Variants in WDR26 observed in about 807,000 individuals in gnomAD.
WDR26 encodes WD repeat-containing protein 26.
A neutral mutation model predicts 84.1 loss-of-function variants in WDR26; 5 were observed. The ratio of observed to expected loss-of-function variants is 0.06; its 90% CI spans 0.03 to 0.13. The LOEUF (loss-of-function observed/expected upper bound fraction) is 0.13. Ranked by LOEUF, WDR26 falls within the 10% of genes least tolerant of loss-of-function variation. The probability of loss-of-function intolerance (pLI) is 1.00; values close to 1 mark genes in which losing one functional copy is unlikely to be tolerated. For missense variants in WDR26, 642 were observed against 974.9 expected, an observed-to-expected ratio of 0.66 and a Z score of 4.55; for synonymous variants, 415 against 389.6, an observed-to-expected ratio of 1.07 and a Z score of -0.77.
chr1:224,434,180 G>A lies in WDR26; in HGVS notation c.226C>T (p.Pro76Ser). 7.0e-7 allele frequency: 1 copy of A among 1,422,122 alleles called. No homozygotes were observed. Among genetic ancestry groups the A allele is most frequent in the South Asian group, 1.5e-5 (1 of 64,800 alleles). 88.1% of individuals were successfully genotyped at this position (1,422,122 alleles called of 1,614,324 possible). ...GCGGCGGCGGGAGGGGCAGCAGCCG[G>A]GGGAAGTCCCACCACTACCACCACG... The change falls in exon 1 of 14, where the codon CCG (proline) becomes TCG (serine). Residue 76 changes from proline to serine, a missense_variant. By Grantham distance (74) the Pro-to-Ser change is moderately conservative. Transcript: ENST00000414423.
At chr1:224,429,592 T>C (rs1237819474) in intron 3 of WDR26, 5 of 152,218 alleles carry the variant, frequency 3.3e-5, no homozygotes, top group Non-Finnish European at 1.5e-5. Flanking sequence ...TTAAAAGCAA[T>C]TGATTCATCA....
chr1:224,434,114 C>G lies in WDR26; in HGVS notation c.292G>C (p.Gly98Arg). The change falls in exon 1 of 14, where the codon GGC becomes CGC. Residue 98 changes from glycine to arginine, a missense_variant. Transcript: ENST00000414423. ...GCCCCATTGGCCTGCATGATGCTGCCGCTGACCAGGCTGTGGCCGCTACTT... is the reference window on the plus strand; with the variant it reads ...GCCCCATTGGCCTGCATGATGCTGCGGCTGACCAGGCTGTGGCCGCTACTT... 2 of 1,429,944 alleles carry G rather than the reference C, an allele frequency of 1.4e-6. No homozygotes were observed. Among genetic ancestry groups the G allele is most frequent in the African/African-American group, 1.4e-5 (1 of 69,430 alleles). The allele number at this position is 1,429,944 out of a possible 1,614,324, so 88.6% of individuals were successfully genotyped here. A position where few individuals can be genotyped will look rare whatever the true frequency, so the allele number is the denominator to read the frequency against.
At chr1:224,415,353 G>A (rs1261023906) in intron 6 of WDR26, among the ~76,000 whole-genome samples, 1 of 151,652 alleles carries the variant, frequency 6.6e-6, no homozygotes, top group Non-Finnish European at 1.5e-5. Flanking sequence ...AGGCTCAGGA[G>A]ATAAATTCTG....
chr1:224,407,843 A>C (rs1218509032), intron 7 of WDR26, among the ~76,000 whole-genome samples: 1 of 152,048 alleles, frequency 6.6e-6, no homozygotes, highest in Admixed American at 6.6e-5. Context: ...ATTTTTTCAG[A>C]CAGTATTTGA....
At chr1:224,412,849 T>C (rs1176713455) in intron 6 of WDR26, 1 of 152,322 alleles carries the variant, frequency 6.6e-6, no homozygotes, top group Non-Finnish European at 1.5e-5. Flanking sequence ...GGCTACTGTT[T>C]AGACAGAACA....
intron 4 of WDR26, among the ~76,000 whole-genome samples, chr1:224,423,617 A>G (rs1269998034): frequency 6.6e-6 from 1 of 152,186 alleles, no homozygotes; most frequent in African/African-American, 2.4e-5. Flanking sequence ...ATGTGGTGGT[A>G]CATGCCTGAA....
At chr1:224,404,663 G>A in intron 7 of WDR26, 93 bp from the exon 8 acceptor site, 2 of 1,447,296 alleles carry the variant, frequency 1.4e-6, no homozygotes, top group East Asian at 2.3e-5. Flanking sequence ...GATGTACTTT[G>A]ATAATTTAAT....
chr1:224,400,953 C>A lies in WDR26; in HGVS notation c.1716G>T (p.Gln572His). 6.2e-7 allele frequency: 1 copy of A among 1,613,612 alleles called. No homozygotes were observed. The highest frequency in any genetic ancestry group is 2.2e-5 in the East Asian group (1 of 44,880). The change falls in exon 9 of 14, where the codon CAG (glutamine) becomes CAT (histidine). Residue 572 changes from glutamine to histidine, a missense_variant. Physicochemically the swap from Gln to His is conservative, Grantham distance 24. Around this residue, in one of 2 missense-constraint regions of WDR26, gnomAD observed 351 missense variants for 672.8 expected, o/e 0.52. Transcript: ENST00000414423. ...GAAGGGGGCACTGAATACTTACACA[C>A]TGATAGAACTGCCCACGCTGACCTC...
chr1:224,426,434 T>C (rs1326628394), intron 3 of WDR26, among the ~76,000 whole-genome samples: 1 of 152,048 alleles, frequency 6.6e-6, no homozygotes, highest in East Asian at 1.9e-4. Context: ...AATATACGGC[T>C]AAGGAACAGA....
chr1:224,407,122 T>TTAAAAAAAAAAAAAAAAAAAAA, intron 7 of WDR26, among the ~76,000 whole-genome samples: 1 of 11,678 alleles, frequency 8.6e-5, no homozygotes, highest in Admixed American at 2.1e-3. Flanking sequence ...ACTCTGTCTT[T>TTAAAAAAAAAAAAAAAAAAAAA]AAAAAAAAAA....
At chr1:224,414,842 A>G (rs916983073) in intron 6 of WDR26, among the ~76,000 whole-genome samples, 1 of 152,026 alleles carries the variant, frequency 6.6e-6, no homozygotes, top group African/African-American at 2.4e-5. Context: ...CAAAACAACA[A>G]CGAAAACACA....
rs1673191095 is a variant in WDR26, at chr1:224,393,940, T to G, written c.2148A>C (p.Val716=). 1.3e-6 allele frequency: 2 copies of G among 1,590,510 alleles called. No homozygotes were observed. Among genetic ancestry groups the G allele is most frequent in the Non-Finnish European group, 1.7e-6 (2 of 1,161,508 alleles). ...TCTGTGGGTTCCAGCTCACACAGTT[T>G]ACTGTACGTGTGTGCCCTGTCAGCT... Residue 716 remains valine, a synonymous_variant, in exon 13 of 14, where the codon GTA becomes GTC. Transcript: ENST00000414423.
In WDR26 at chr1:224,389,844, C is replaced by T; in HGVS notation, c.2277G>A (p.Met759Ile). The stretch of plus-strand genomic sequence containing the variant: ...TGCTCCAAATTCACCATCAACTATC[C>T]ATGCTACTGCATTCCTCTGAATGAA... Residue 759 changes from methionine to isoleucine, a missense_variant, in exon 14 of 14, where the codon ATG (methionine) becomes ATA (isoleucine). Met to Ile is a conservative substitution (Grantham distance 10, BLOSUM62 1). This residue lies in a region of WDR26 where 351 missense variants were observed against 672.8 expected (regional missense o/e 0.52). Coordinates refer to ENST00000414423, the MANE Select transcript of WDR26 (RefSeq NM_001379403.1). The T allele has an allele frequency of 7.0e-7, 1 of 1,432,342 alleles. No homozygotes were observed. The highest frequency in any genetic ancestry group is 9.2e-7 in the Non-Finnish European group (1 of 1,082,718). 88.7% of individuals were successfully genotyped at this position (1,432,342 alleles called of 1,614,324 possible).
At position 224,434,237 on chromosome 1, in the gene WDR26, A is replaced by ACGAGGACGG; in HGVS notation, c.160_168dup (p.Pro54_Ser56dup). 2 of 1,380,882 alleles carry ACGAGGACGG rather than the reference A, an allele frequency of 1.4e-6. No homozygotes were observed. Among genetic ancestry groups the ACGAGGACGG allele is most frequent in the Non-Finnish European group, 1.9e-6 (2 of 1,071,198 alleles). The allele number at this position is 1,380,882 out of a possible 1,614,324, so 85.5% of individuals were successfully genotyped here. On this transcript the variant is annotated inframe_insertion, in exon 1 of 14. Transcript: ENST00000414423. ...GAGGAGGAGGAGGAGGACGAGGACG[A>ACGAGGACGG]CGAGGACGGAGGGGAGAGGCCTGCT...
At chr1:224,401,131 GA>G (rs369474403) in intron 8 of WDR26, 62 bp from the exon 9 acceptor site, 1,301 of 1,303,940 alleles carry the variant, frequency 1.0e-3, no homozygotes, top group East Asian at 1.2e-3. Flanking sequence ...AATTATGTGA[GA>G]AAAAAAAAAT....
intron 8 of WDR26, among the ~76,000 whole-genome samples, chr1:224,403,453 T>C (rs545180633): frequency 6.6e-6 from 1 of 152,340 alleles, no homozygotes; most frequent in East Asian, 1.9e-4. Flanking sequence ...TTGTCCTATT[T>C]TGACTTTTCT....
intron 3 of WDR26, among the ~76,000 whole-genome samples, chr1:224,427,751 G>C (rs1674270217): frequency 6.6e-6 from 1 of 152,156 alleles, no homozygotes; most frequent in Admixed American, 6.5e-5. Flanking sequence ...CATACGATAA[G>C]GGTGGGGAGT....
intron 3 of WDR26, among the ~76,000 whole-genome samples, chr1:224,425,227 C>T (rs373094627): frequency 6.6e-6 from 1 of 151,834 alleles, no homozygotes; most frequent in Non-Finnish European, 1.5e-5. Context: ...AAATGTACTA[C>T]AAGTTGGTGT....
At position 224,433,385 on chromosome 1, in the gene WDR26, G is replaced by A. The variant is rs1387329742; in HGVS notation, c.722+299C>T. On this transcript the variant is annotated intron_variant, in intron 1 of 13. Coordinates refer to ENST00000414423, the MANE Select transcript of WDR26 (RefSeq NM_001379403.1). ...TATTGACAGACAATTAAGCTCTGAAGGTGCGTGGGGAGAAGTCATTCTTTG... is the reference window on the plus strand; with the variant it reads ...TATTGACAGACAATTAAGCTCTGAAAGTGCGTGGGGAGAAGTCATTCTTTG... Among the ~76,000 whole-genome samples the A allele has an allele frequency of 3.3e-5, 5 of 152,142 alleles. No individual in the cohort carries two copies. The East Asian group carries it at 9.6e-4, about 29-fold the overall frequency.
Sources: allele counts gnomAD v4.1 joint callset (sites outside exome capture counted in the v4.1 genomes callset), GRCh38; gene constraint gnomAD v4.1.1; regional missense constraint gnomAD v4.1.1; transcripts MANE v1.5; gene names NCBI Gene and HGNC (gene_info 2026-07-23, HGNC 2026-07-21).